The following BBS9 variants were observed in gnomAD, a reference collection of about 807,000 sequenced individuals.
The protein encoded by BBS9 is Bardet-Biedl syndrome 9, also known as protein PTHB1.
A neutral mutation model predicts 117.7 loss-of-function variants in BBS9; 89 were observed. That is an observed-to-expected ratio of 0.76 (90% CI 0.64 to 0.90). The LOEUF is 0.90. BBS9 is among the 40% of genes least tolerant of loss of function. The probability of loss-of-function intolerance (pLI) is 0.00; values close to 1 mark genes in which losing one functional copy is unlikely to be tolerated. For missense variants in BBS9, 982 were observed against 1,042.2 expected (o/e 0.94, Z 0.80); for synonymous variants, 379 against 370.9 (o/e 1.02, Z -0.25).
intron 21 of BBS9, among the ~76,000 whole-genome samples, chr7:33,594,493 CTG>C (rs1263040393): frequency 6.6e-6 from 1 of 152,082 alleles, no homozygotes; most frequent in African/African-American, 2.4e-5. Context: ...ACGTAGAAAA[CTG>C]AATATCATAT....
chr7:33,370,909 G>A (rs1822742467), intron 17 of BBS9, among the ~76,000 whole-genome samples: 1 of 152,002 alleles, frequency 6.6e-6, no homozygotes, highest in Non-Finnish European at 1.5e-5. Context: ...GAGTTTAAAA[G>A]TATCCAAAAT....
chr7:33,290,703 CTAAGA>C lies in BBS9; in HGVS notation c.1016+16749_1016+16753del, dbSNP rs371748980. ...GAAGTAATGCCCAGGCAGACATACT[CTAAGA>C]TTAGAACAGAATTCTCAGTATTTGT... On this transcript the variant is annotated intron_variant, in intron 9 of 22. Coordinates refer to ENST00000242067, the MANE Select transcript of BBS9 (RefSeq NM_198428.3). Among the ~76,000 whole-genome samples the C allele has an allele frequency of 3.1e-3, 465 of 152,306 alleles. 3 individuals are homozygous for C. Among genetic ancestry groups the C allele is most frequent in the African/African-American group, 0.011 (439 of 41,552 alleles).
chr7:33,150,836 A>C (rs10261756), intron 2 of BBS9, among the ~76,000 whole-genome samples: 23,565 of 152,212 alleles, frequency 0.15, 2,030 homozygotes, highest in South Asian at 0.21. Context: ...AAATGAATAG[A>C]TGTTTCTGCA....
chr7:33,518,699 T>C (rs925163314), intron 20 of BBS9, among the ~76,000 whole-genome samples: 3 of 152,198 alleles, frequency 2.0e-5, no homozygotes, highest in African/African-American at 7.2e-5. Flanking sequence ...AATGACTGTA[T>C]AGACTCAAAT....
intron 21 of BBS9, among the ~76,000 whole-genome samples, chr7:33,578,078 G>T (rs181199856): frequency 1.3e-5 from 2 of 152,252 alleles, no homozygotes; most frequent in East Asian, 3.9e-4. Context: ...TTGCTAAGAA[G>T]TCTGAAAATT....
chr7:33,477,771 G>C (rs909218081), intron 19 of BBS9, among the ~76,000 whole-genome samples: 1 of 152,154 alleles, frequency 6.6e-6, no homozygotes, highest in African/African-American at 2.4e-5. Context: ...TTTAATCATG[G>C]AATAGACGCA....
chr7:33,378,709 T>TG (rs1211461162), intron 17 of BBS9, among the ~76,000 whole-genome samples: 3 of 152,356 alleles, frequency 2.0e-5, no homozygotes, highest in Non-Finnish European at 4.4e-5. Context: ...AGGAAGAGTT[T>TG]GGGGCACTGC....
chr7:33,384,715 T>TGTGTGAGAGAGA (rs370625971), intron 18 of BBS9, among the ~76,000 whole-genome samples: 81 of 144,814 alleles, frequency 5.6e-4, no homozygotes, highest in Non-Finnish European at 9.7e-4. Flanking sequence ...TGTGTGTGTG[T>TGTGTGAGAGAGA]GAGAGAGAGA....
chr7:33,508,903 A>G (rs1986867), intron 20 of BBS9, among the ~76,000 whole-genome samples: 120,444 of 152,176 alleles, frequency 0.79, 48,212 homozygotes, highest in African/African-American at 0.91. Context: ...AGTCTTATTT[A>G]TCTGGGAATA....
At chr7:33,167,403 CTTTTTTT>C (rs1202170784) in intron 4 of BBS9, among the ~76,000 whole-genome samples, 4 of 134,218 alleles carry the variant, frequency 3.0e-5, no homozygotes, top group South Asian at 2.4e-4. Context: ...TCTGAGAATT[CTTTTTTT>C]TTTTTTTTTT....
At chr7:33,525,098 A>G (rs1256790529) in intron 20 of BBS9, among the ~76,000 whole-genome samples, 1 of 152,118 alleles carries the variant, frequency 6.6e-6, no homozygotes, top group Non-Finnish European at 1.5e-5. Flanking sequence ...GTTTGATTGC[A>G]CTGTGGTCTG....
intron 19 of BBS9, among the ~76,000 whole-genome samples, chr7:33,486,496 G>C (rs1843130818): frequency 6.6e-6 from 1 of 152,198 alleles, no homozygotes; most frequent in Non-Finnish European, 1.5e-5. Flanking sequence ...AATGGATCCT[G>C]TTAAGAATTA....
At chr7:33,384,658 T>C (rs1825695333) in intron 18 of BBS9, among the ~76,000 whole-genome samples, 1 of 151,914 alleles carries the variant, frequency 6.6e-6, no homozygotes, top group African/African-American at 2.4e-5. Flanking sequence ...GCATTGGTTC[T>C]TGGGACTACA....
intron 17 of BBS9, chr7:33,380,779 A>G (rs1172962318): frequency 1.3e-5 from 2 of 152,888 alleles, no homozygotes; most frequent in Non-Finnish European, 2.9e-5. Context: ...TATATCTGCT[A>G]CATCCACAAG....
At chr7:33,270,265 A>T (rs1370770674) in intron 7 of BBS9, among the ~76,000 whole-genome samples, 1 of 152,204 alleles carries the variant, frequency 6.6e-6, no homozygotes, top group African/African-American at 2.4e-5. Context: ...GATGAAAAAA[A>T]ACCAGTGCAA....
At chr7:33,585,163 T>C (rs1170855391) in intron 21 of BBS9, among the ~76,000 whole-genome samples, 1 of 152,136 alleles carries the variant, frequency 6.6e-6, no homozygotes, top group Non-Finnish European at 1.5e-5. Context: ...TTTAAAACAG[T>C]GCAAGATGTT....
At chr7:33,461,305 A>G (rs1226985742) in intron 19 of BBS9, among the ~76,000 whole-genome samples, 1 of 152,014 alleles carries the variant, frequency 6.6e-6, no homozygotes, top group South Asian at 2.1e-4. Flanking sequence ...GGAACAGCCA[A>G]GTGGTCTTCC....
chr7:33,358,358 T>G (rs1048670326), intron 16 of BBS9, among the ~76,000 whole-genome samples: 2 of 151,876 alleles, frequency 1.3e-5, no homozygotes, highest in African/African-American at 4.8e-5. Flanking sequence ...TGTATAAATA[T>G]TTATTATTTT....
chr7:33,510,488 A>G (rs1846782774), intron 20 of BBS9, among the ~76,000 whole-genome samples: 1 of 152,008 alleles, frequency 6.6e-6, no homozygotes, highest in Non-Finnish European at 1.5e-5. Context: ...GATAGGACAA[A>G]TCTCTTTACT....
Sources: gnomAD v4.1 joint callset for allele counts (sites outside exome capture counted in the v4.1 genomes callset) on GRCh38, gnomAD v4.1.1 for gene constraint, MANE v1.5 for transcripts, NCBI Gene and HGNC (gene_info 2026-07-23, HGNC 2026-07-21) for gene names.